ATXN7L1: variants seen among roughly 807,000 people sequenced by gnomAD.
ATXN7L1 encodes ataxin-7-like protein 1.
A neutral mutation model predicts 70.8 loss-of-function variants in ATXN7L1; 15 were observed. The ratio of observed to expected loss-of-function variants is 0.21; its 90% CI spans 0.14 to 0.33. ATXN7L1 has a LOEUF of 0.33. ATXN7L1 is among the 10% of genes least tolerant of loss of function. The probability of loss-of-function intolerance (pLI) is 1.00; values close to 1 mark genes in which losing one functional copy is unlikely to be tolerated. For synonymous variants in ATXN7L1, 440 were observed against 445.1 expected (o/e 0.99, Z 0.14); for missense variants, 975 against 1,097.1 (o/e 0.89, Z 1.57).
At chr7:105,619,526 ATATATTTTTTTTTTTTTTT>A (rs1197629906) in intron 9 of ATXN7L1, among the ~76,000 whole-genome samples, 32 of 16,394 alleles carry the variant, frequency 2.0e-3, no homozygotes, top group East Asian at 0.016. Context: ...ATATATATAT[ATATATTTTTTTTTTTTTTT>A]TTTTTTTTTT....
At chr7:105,721,476 A>G (rs1485167271) in intron 3 of ATXN7L1, among the ~76,000 whole-genome samples, 1 of 152,200 alleles carries the variant, frequency 6.6e-6, no homozygotes, top group Non-Finnish European at 1.5e-5. Flanking sequence ...TGCTCTGCGC[A>G]GGCCAGCTGG....
rs146663144 is a variant in ATXN7L1, at chr7:105,680,928, C to T, written c.356-15640G>A. On this transcript the variant is annotated intron_variant, in intron 3 of 11. Transcript: ENST00000419735. The stretch of plus-strand genomic sequence containing the variant: ...CAATCTGGACCTTCTAGAGCATTGG[C>T]CCCTGCCTCTTGCAGCCCTGCTCTC... Among the ~76,000 whole-genome samples, 172 of 152,328 alleles carry T rather than the reference C, an allele frequency of 1.1e-3. 1 individual carries two copies. The highest frequency in any genetic ancestry group is 3.9e-3 in the African/African-American group (164 of 41,570).
chr7:105,755,909 A>G (rs1210398708), intron 3 of ATXN7L1, among the ~76,000 whole-genome samples: 1 of 152,166 alleles, frequency 6.6e-6, no homozygotes, highest in Non-Finnish European at 1.5e-5. Context: ...GGAGACACAG[A>G]ACTTTGCCAA....
intron 9 of ATXN7L1, chr7:105,618,242 C>T: frequency 5.7e-6 from 2 of 353,428 alleles, no homozygotes; most frequent in East Asian, 7.7e-5. Flanking sequence ...GGCTGGCTGC[C>T]GTCTTGGGGA....
chr7:105,844,244 C>T (rs1813642346), intron 2 of ATXN7L1, among the ~76,000 whole-genome samples: 1 of 152,154 alleles, frequency 6.6e-6, no homozygotes, highest in Non-Finnish European at 1.5e-5. Flanking sequence ...GAACACTCTC[C>T]AACTCTTTGA....
Position 105,626,429 on chromosome 7 carries a change from A to T in ATXN7L1, c.1203-2162T>A, listed in dbSNP as rs117200105. Reference sequence around the variant, plus strand: ...ATGGATGACAGTATGACTACACAACATTGTGAATGTATTTAATGCCACTAA... The same window carrying T: ...ATGGATGACAGTATGACTACACAACTTTGTGAATGTATTTAATGCCACTAA... On this transcript the variant is annotated intron_variant, in intron 7 of 11. Transcript: ENST00000419735. Among the ~76,000 whole-genome samples the T allele has an allele frequency of 8.7e-4, 132 of 152,340 alleles. 1 individual carries two copies. In the East Asian group the frequency reaches 0.025, roughly 29 times the overall value.
At chr7:105,662,013 T>A (rs560099066) in intron 4 of ATXN7L1, among the ~76,000 whole-genome samples, 1 of 43,780 alleles carries the variant, frequency 2.3e-5, no homozygotes, top group South Asian at 1.2e-3. Flanking sequence ...TTCTTTCTTT[T>A]CTTTCTTTCT....
At chr7:105,716,720 C>G (rs987960220) in intron 3 of ATXN7L1, among the ~76,000 whole-genome samples, 129 of 116,124 alleles carry the variant, frequency 1.1e-3, no homozygotes, top group South Asian at 1.7e-3. Flanking sequence ...CACACACACA[C>G]AGTACAAAAA....
chr7:105,792,428 C>T (rs1585018219), intron 2 of ATXN7L1, among the ~76,000 whole-genome samples: 2 of 152,116 alleles, frequency 1.3e-5, no homozygotes, highest in Non-Finnish European at 1.5e-5. Context: ...CCACTTCACA[C>T]GGCTGGGTGT....
chr7:105,677,471 T>G (rs867943537), intron 3 of ATXN7L1, among the ~76,000 whole-genome samples: 15 of 152,234 alleles, frequency 9.9e-5, no homozygotes, highest in South Asian at 2.1e-4. Context: ...CTAAGTGTCC[T>G]GTGCCTGGAC....
At chr7:105,807,537 G>T (rs181936120) in intron 2 of ATXN7L1, among the ~76,000 whole-genome samples, 2 of 152,304 alleles carry the variant, frequency 1.3e-5, no homozygotes, top group East Asian at 3.9e-4. Flanking sequence ...CACACCCTTG[G>T]GTTCCCCCTT....
Position 105,624,046 on chromosome 7 carries a change from C to A in ATXN7L1, c.1395+29G>T. On this transcript the variant is annotated intron_variant, in intron 8 of 11. Transcript: ENST00000419735. The stretch of plus-strand genomic sequence containing the variant: ...GTGTCTGCAAAGCACAGGCGAAGAA[C>A]GCATGGCAAGGAACGGAAGGAGGCC... The A allele has an allele frequency of 7.3e-6, 10 of 1,375,706 alleles. 1 individual carries two copies. The highest frequency in any genetic ancestry group is 9.5e-6 in the Non-Finnish European group (10 of 1,050,896). The allele number at this position is 1,375,706 out of a possible 1,614,324, so 85.2% of individuals were successfully genotyped here.
chr7:105,842,766 C>G (rs1245928043), intron 2 of ATXN7L1, among the ~76,000 whole-genome samples: 1 of 152,266 alleles, frequency 6.6e-6, no homozygotes, highest in South Asian at 2.1e-4. Context: ...GAGGAACTGC[C>G]GAACTGCTTT....
In ATXN7L1 at chr7:105,614,171, C is replaced by G. The variant is rs900782665; in HGVS notation, c.2163G>C (p.Ser721=). 7 of 1,551,700 alleles carry G rather than the reference C, an allele frequency of 4.5e-6. No individual in the cohort carries two copies. In the East Asian group the frequency reaches 1.5e-4, roughly 33 times the overall value. Reference sequence around the variant, plus strand: ...CTATGTCCGCGGGGCCGCCGGGCAGCGAGGTCCGTCCTGAGGGCTCCAGTT... The same window carrying G: ...CTATGTCCGCGGGGCCGCCGGGCAGGGAGGTCCGTCCTGAGGGCTCCAGTT... ...SAKLEPSGRT[S]LPGGPADIVR... The change falls in exon 10 of 12, where the codon TCG becomes TCC. Residue 721 remains serine, a synonymous_variant. Transcript: ENST00000419735. This position sits in a 1 kb window ranked among gnomAD's most constrained non-coding sequence, Gnocchi z 4.3.
intron 3 of ATXN7L1, among the ~76,000 whole-genome samples, chr7:105,704,239 T>C (rs1197714577): frequency 1.3e-5 from 2 of 152,158 alleles, no homozygotes; most frequent in Non-Finnish European, 2.9e-5. Flanking sequence ...AGAGACGGGG[T>C]CTGTCTTGTT....
intron 2 of ATXN7L1, among the ~76,000 whole-genome samples, chr7:105,810,458 A>C (rs1017579513): frequency 3.3e-5 from 5 of 152,248 alleles, no homozygotes; most frequent in African/African-American, 9.6e-5. Flanking sequence ...GTGTTATAAA[A>C]AAACAAACAA....
At chr7:105,704,032 C>CAT (rs5886364) in intron 3 of ATXN7L1, among the ~76,000 whole-genome samples, 1 of 79,812 alleles carries the variant, frequency 1.3e-5, no homozygotes, top group Non-Finnish European at 2.5e-5. Context: ...AGCTGACCCT[C>CAT]ACCACATCTA....
chr7:105,806,988 G>T (rs1424432649), intron 2 of ATXN7L1, among the ~76,000 whole-genome samples: 4 of 152,224 alleles, frequency 2.6e-5, no homozygotes, highest in African/African-American at 9.7e-5. Flanking sequence ...CAAGAAGCCA[G>T]CAGAGCCTTC....
chr7:105,633,061 T>G, intron 7 of ATXN7L1, among the ~76,000 whole-genome samples: 1 of 152,194 alleles, frequency 6.6e-6, no homozygotes, highest in East Asian at 1.9e-4. Flanking sequence ...TTGATAAAAT[T>G]TTCAATGTTA....
Sources: allele counts gnomAD v4.1 joint callset (sites outside exome capture counted in the v4.1 genomes callset), GRCh38; gene constraint gnomAD v4.1.1; non-coding constraint Gnocchi (gnomAD v3.1); transcripts MANE v1.5; gene names NCBI Gene and HGNC (gene_info 2026-07-23, HGNC 2026-07-21).